The following IFNGR2 variants were observed in gnomAD, a reference collection of about 807,000 sequenced individuals.
IFNGR2 encodes IFN-gamma receptor 2.
In IFNGR2, 15 loss-of-function variants were observed where a neutral mutation model predicts 41.1. The observed-to-expected ratio is 0.37, with a 90% confidence interval of 0.24 to 0.56. The LOEUF (loss-of-function observed/expected upper bound fraction) is 0.56, where lower values mean the gene tolerates loss of function less well. Among genes scored for constraint, IFNGR2 ranks in the 20% least tolerant of loss-of-function variants. IFNGR2 has a pLI of 0.81. For synonymous variants in IFNGR2, 161 were observed against 171.6 expected, an observed-to-expected ratio of 0.94 and a Z score of 0.48; for missense variants, 362 against 415.7, an observed-to-expected ratio of 0.87 and a Z score of 1.12.
chr21:33,417,081 G>A (rs1222433259), intron 2 of IFNGR2, among the ~76,000 whole-genome samples: 1 of 150,852 alleles, frequency 6.6e-6, no homozygotes, highest in Non-Finnish European at 1.5e-5. Flanking sequence ...CACCCCACCC[G>A]GTTCAGATAA....
chr21:33,436,247 T>G (rs984847065), intron 6 of IFNGR2, among the ~76,000 whole-genome samples: 4 of 151,468 alleles, frequency 2.6e-5, no homozygotes, highest in Non-Finnish European at 5.9e-5. Context: ...CCCAGCTACT[T>G]GGGAGGCTGA....
chr21:33,405,425 C>T (rs2083670924), intron 1 of IFNGR2, among the ~76,000 whole-genome samples: 2 of 152,174 alleles, frequency 1.3e-5, no homozygotes, highest in Admixed American at 1.3e-4. Context: ...CCTGACTCTG[C>T]TTCCACTTGG....
At chr21:33,410,524 A>C (rs1343079579) in intron 1 of IFNGR2, among the ~76,000 whole-genome samples, 2 of 134,022 alleles carry the variant, frequency 1.5e-5, no homozygotes, top group East Asian at 4.3e-4. Context: ...GCTGGAGTGC[A>C]GTGGCGTGAT....
chr21:33,429,351 C>CGTTTT (rs2083866231), intron 4 of IFNGR2, among the ~76,000 whole-genome samples: 2 of 152,124 alleles, frequency 1.3e-5, no homozygotes, highest in Admixed American at 1.3e-4. Flanking sequence ...ACTCTGATTT[C>CGTTTT]GTTTTGAGAC....
chr21:33,431,915 T>A (rs1481601183), intron 4 of IFNGR2, among the ~76,000 whole-genome samples: 1 of 152,252 alleles, frequency 6.6e-6, no homozygotes, highest in Non-Finnish European at 1.5e-5. Context: ...AATTGGGATT[T>A]ACTGAAGTCT....
intron 4 of IFNGR2, 46 bp from the exon 5 acceptor site, chr21:33,432,131 T>C: frequency 6.4e-7 from 1 of 1,561,394 alleles, no homozygotes; most frequent in Admixed American, 1.7e-5. Flanking sequence ...TGTAGGCAGC[T>C]TGGCCATGTT....
chr21:33,404,783 G>A (rs1416596703), intron 1 of IFNGR2, among the ~76,000 whole-genome samples: 1 of 152,030 alleles, frequency 6.6e-6, no homozygotes, highest in Admixed American at 6.6e-5. Context: ...CTTACCTGGC[G>A]GCCTCCTTAA....
intron 4 of IFNGR2, among the ~76,000 whole-genome samples, chr21:33,428,624 A>C (rs568604899): frequency 2.6e-5 from 4 of 152,180 alleles, no homozygotes; most frequent in Non-Finnish European, 4.4e-5. Flanking sequence ...TCATTTCTCC[A>C]TATCAGAGCT....
intron 2 of IFNGR2, among the ~76,000 whole-genome samples, chr21:33,418,576 G>A (rs1048255815): frequency 6.6e-6 from 1 of 152,024 alleles, no homozygotes; most frequent in Non-Finnish European, 1.5e-5. Flanking sequence ...AATTTCCACC[G>A]TGTTTCTCTA....
intron 1 of IFNGR2, among the ~76,000 whole-genome samples, chr21:33,408,499 C>T (rs960356903): frequency 7.9e-5 from 12 of 152,042 alleles, no homozygotes; most frequent in Non-Finnish European, 2.9e-5. Context: ...CCCAGCCCCT[C>T]CTATTCCTAA....
intron 1 of IFNGR2, among the ~76,000 whole-genome samples, chr21:33,407,006 G>A (rs1004195617): frequency 6.6e-6 from 1 of 152,068 alleles, no homozygotes; most frequent in African/African-American, 2.4e-5. Context: ...TTCTGTAAGA[G>A]TAGAATATGT....
chr21:33,428,361 A>T (rs1257509134), intron 4 of IFNGR2, among the ~76,000 whole-genome samples: 1 of 151,844 alleles, frequency 6.6e-6, no homozygotes, highest in African/African-American at 2.4e-5. Context: ...AGCTGGAACT[A>T]CAGGCCTGTG....
At chr21:33,418,020 A>T (rs531889374) in intron 2 of IFNGR2, among the ~76,000 whole-genome samples, 14 of 151,592 alleles carry the variant, frequency 9.2e-5, no homozygotes, top group South Asian at 2.1e-4. Flanking sequence ...TTTATTTTTT[A>T]TTTATTTATT....
chr21:33,410,870 C>T, intron 1 of IFNGR2: 3 of 1,547,552 alleles, frequency 1.9e-6, no homozygotes, highest in Non-Finnish European at 2.6e-6. Flanking sequence ...AAGAATGGTG[C>T]AATGATTCAG....
At chr21:33,405,570 C>CTG (rs1383564425) in intron 1 of IFNGR2, among the ~76,000 whole-genome samples, 2 of 152,128 alleles carry the variant, frequency 1.3e-5, no homozygotes, top group Non-Finnish European at 2.9e-5. Flanking sequence ...GATCTGTGGA[C>CTG]TGTTTGTGAC....
At chr21:33,420,032 G>A (rs1039839794) in intron 2 of IFNGR2, among the ~76,000 whole-genome samples, 3 of 152,114 alleles carry the variant, frequency 2.0e-5, no homozygotes, top group South Asian at 2.1e-4. Context: ...CGTGGTTTGC[G>A]ATCCCTCTCC....
chr21:33,405,196 G>T (rs1160746516), intron 1 of IFNGR2, among the ~76,000 whole-genome samples: 1 of 152,046 alleles, frequency 6.6e-6, no homozygotes, highest in East Asian at 1.9e-4. Flanking sequence ...CTTTTGTTTT[G>T]CTGGGTTCTT....
chr21:33,419,122 T>C (rs942092152), intron 2 of IFNGR2, among the ~76,000 whole-genome samples: 1 of 152,216 alleles, frequency 6.6e-6, no homozygotes, highest in East Asian at 1.9e-4. Flanking sequence ...ATTTATTTAT[T>C]TGAGACAGAG....
intron 2 of IFNGR2, among the ~76,000 whole-genome samples, chr21:33,419,779 T>C (rs1331884984): frequency 6.6e-6 from 1 of 152,206 alleles, no homozygotes; most frequent in African/African-American, 2.4e-5. Context: ...TTAATGTTTT[T>C]GTGAGTGACC....
Sources: allele counts gnomAD v4.1 joint callset (sites outside exome capture counted in the v4.1 genomes callset), GRCh38; gene constraint gnomAD v4.1.1; transcripts MANE v1.5; gene names NCBI Gene and HGNC (gene_info 2026-07-23, HGNC 2026-07-21).